NCOA1: variants seen among roughly 807,000 people sequenced by gnomAD.
NCOA1 encodes the protein Hin-2 protein.
Under a neutral mutation model 150.9 loss-of-function variants are expected in NCOA1, and 35 were observed. The observed-to-expected ratio is 0.23, with a 90% CI of 0.18 to 0.31. NCOA1 has a LOEUF of 0.31. Ranked by LOEUF, NCOA1 falls within the 10% of genes least tolerant of loss-of-function variation. The pLI is 1.00. For missense variants in NCOA1, 1,491 were observed against 1,749.3 expected (o/e 0.85, Z 2.63); for synonymous variants, 590 against 630.0 (o/e 0.94, Z 0.95).
At chr2:24,720,789 C>T (rs984276410) in intron 14 of NCOA1, among the ~76,000 whole-genome samples, 8 of 152,166 alleles carry the variant, frequency 5.3e-5, no homozygotes, top group Non-Finnish European at 1.2e-4. Flanking sequence ...TAATTCTCTG[C>T]CCCACTCTTA....
chr2:24,674,208 C>G (rs1365814942), intron 7 of NCOA1, among the ~76,000 whole-genome samples: 1 of 148,862 alleles, frequency 6.7e-6, no homozygotes, highest in Admixed American at 6.7e-5. Flanking sequence ...CCTTGGGTAC[C>G]CCTTTTTTTT....
chr2:24,751,930 G>A, intron 19 of NCOA1, 52 bp from the exon 20 acceptor site: 1 of 1,482,904 alleles, frequency 6.7e-7, no homozygotes, highest in South Asian at 1.3e-5. Flanking sequence ...TCATTTATGG[G>A]GTTAATAAAT....
chr2:24,724,066 G>A (rs1052211152), intron 14 of NCOA1, among the ~76,000 whole-genome samples: 5 of 149,850 alleles, frequency 3.3e-5, no homozygotes, highest in Non-Finnish European at 7.4e-5. Context: ...TATAAGGGGG[G>A]TTTTTTTGTT....
rs779441878 is a variant in NCOA1 at position 24,693,337 on chromosome 2, A to G, written c.798A>G (p.Gln266=). The G allele has an allele frequency of 3.1e-6, 5 of 1,613,250 alleles. No homozygotes were observed. The highest frequency in any genetic ancestry group is 3.4e-6 in the Non-Finnish European group (4 of 1,179,300). ...GTGTAGAATCCTTTATGACCAAGCAAGATACTACAGGTACTAATTGTAAAG... is the reference window on the plus strand; with the variant it reads ...GTGTAGAATCCTTTATGACCAAGCAGGATACTACAGGTACTAATTGTAAAG... ...ITGVESFMTK[Q]DTTGKIISID... is the part of the protein sequence containing the mutation. The change falls in exon 10 of 23, where the codon CAA becomes CAG. Residue 266 remains glutamine, a synonymous_variant. Coordinates refer to ENST00000348332, the MANE Select transcript of NCOA1 (RefSeq NM_003743.5).
rs367797093 is a variant in NCOA1, at chr2:24,673,415, T to C, written c.306T>C (p.Ser102=). 3.5e-5 allele frequency: 55 copies of C among 1,593,146 alleles called. No homozygotes were observed. Among genetic ancestry groups the C allele is most frequent in the Middle Eastern group, 1.7e-4 (1 of 6,052 alleles). ...TACAGAAATCAGACATCTCATCAAG[T>C]AGTCAAGGAGTGATAGAAAAGGAAT... ...DDVQKSDISS[S]SQGVIEKESL... is the part of the protein sequence containing the mutation. Residue 102 remains serine (S), a synonymous_variant, in exon 7 of 23, where the codon AGT becomes AGC. Coordinates refer to ENST00000348332, the MANE Select transcript of NCOA1 (RefSeq NM_003743.5).
chr2:24,555,255 A>G (rs914348380), intron 1 of NCOA1, among the ~76,000 whole-genome samples: 2 of 151,822 alleles, frequency 1.3e-5, no homozygotes, highest in African/African-American at 4.8e-5. Flanking sequence ...TTAATTTCCA[A>G]CTCTTTGGTA....
At chr2:24,545,666 C>A (rs1302281823) in intron 1 of NCOA1, among the ~76,000 whole-genome samples, 2 of 152,148 alleles carry the variant, frequency 1.3e-5, no homozygotes, top group Non-Finnish European at 2.9e-5. Flanking sequence ...TAGGATATAG[C>A]ATTAAAGAAT....
chr2:24,562,577 C>T (rs1283763390), intron 1 of NCOA1, among the ~76,000 whole-genome samples: 1 of 152,130 alleles, frequency 6.6e-6, no homozygotes, highest in Non-Finnish European at 1.5e-5. Flanking sequence ...AAGGCAGTGT[C>T]AATTATGGGA....
chr2:24,536,191 T>G (rs1032397419), intron 1 of NCOA1, among the ~76,000 whole-genome samples: 1 of 152,216 alleles, frequency 6.6e-6, no homozygotes, highest in East Asian at 1.9e-4. Flanking sequence ...TCGCTTTATT[T>G]CATTAATTTG....
intron 2 of NCOA1, among the ~76,000 whole-genome samples, chr2:24,576,149 G>GTTTTTTTTTGTTTTTTTTTTTTTTTTTT (rs1666947727): frequency 1.1e-5 from 1 of 94,026 alleles, no homozygotes; most frequent in Non-Finnish European, 2.0e-5. Context: ...TTTGGCCTTT[G>GTTTTTTTTTGTTTTTTTTTTTTTTTTTT]TTTTTTTTTT....
intron 1 of NCOA1, among the ~76,000 whole-genome samples, chr2:24,539,743 A>C (rs1269961572): frequency 6.6e-6 from 1 of 152,198 alleles, no homozygotes; most frequent in Non-Finnish European, 1.5e-5. Flanking sequence ...ATAAATCAAA[A>C]ACTGTGAAGA....
At chr2:24,714,247 A>G (rs1458884031) in intron 14 of NCOA1, among the ~76,000 whole-genome samples, 7 of 152,232 alleles carry the variant, frequency 4.6e-5, no homozygotes, top group Admixed American at 4.6e-4. Context: ...ACTATTCAAT[A>G]GTTTTTAAAG....
intron 1 of NCOA1, among the ~76,000 whole-genome samples, chr2:24,551,443 G>A (rs572666680): frequency 6.6e-6 from 1 of 151,974 alleles, no homozygotes; most frequent in Non-Finnish European, 1.5e-5. Flanking sequence ...CTTTTGAACA[G>A]CAAAAGTTTA....
At chr2:24,644,224 G>C (rs1430566953) in intron 4 of NCOA1, 102 bp downstream of exon 4, 2 of 152,142 alleles carry the variant, frequency 1.3e-5, no homozygotes, top group Non-Finnish European at 1.5e-5. Flanking sequence ...ATATGTGTTT[G>C]ATCTGGGTTG....
chr2:24,640,907 TTG>T, intron 3 of NCOA1, among the ~76,000 whole-genome samples: 1 of 152,236 alleles, frequency 6.6e-6, no homozygotes, highest in South Asian at 2.1e-4. Flanking sequence ...CATCTTTTAA[TTG>T]TAATGTTTAG....
intron 3 of NCOA1, among the ~76,000 whole-genome samples, chr2:24,629,809 CATACATACATATATATATATATAT>C (rs1376267827): frequency 5.1e-5 from 5 of 97,362 alleles, no homozygotes; most frequent in South Asian, 6.1e-4. Flanking sequence ...TTTTAAGTAA[CATACATACATATATATATATATAT>C]ATATATATAT....
At chr2:24,646,706 CTTTT>C (rs79399130) in intron 4 of NCOA1, among the ~76,000 whole-genome samples, 1 of 132,294 alleles carries the variant, frequency 7.6e-6, no homozygotes. Flanking sequence ...TTTCTTCTTT[CTTTT>C]TTTTTTTTTT....
chr2:24,605,325 TAA>T (rs1668316612), intron 3 of NCOA1, among the ~76,000 whole-genome samples: 1 of 152,154 alleles, frequency 6.6e-6, no homozygotes, highest in South Asian at 2.1e-4. Flanking sequence ...CAAAGCACAA[TAA>T]GTCAAAGTGC....
At chr2:24,663,318 A>G (rs549717472) in intron 5 of NCOA1, among the ~76,000 whole-genome samples, 5 of 152,228 alleles carry the variant, frequency 3.3e-5, no homozygotes, top group East Asian at 1.9e-4. Context: ...GAGTTCATGT[A>G]TCTTGTTCTC....
Sources: allele counts gnomAD v4.1 joint callset (sites outside exome capture counted in the v4.1 genomes callset), GRCh38; gene constraint gnomAD v4.1.1; transcripts MANE v1.5; gene names NCBI Gene and HGNC (gene_info 2026-07-23, HGNC 2026-07-21).